CDK6: variants seen among roughly 807,000 people sequenced by gnomAD.
The protein encoded by CDK6 is cyclin dependent kinase 6.
Under a neutral mutation model 37.1 loss-of-function variants are expected in CDK6, and 6 were observed. That is an observed-to-expected ratio of 0.16 (90% confidence interval 0.09 to 0.32). The LOEUF (loss-of-function observed/expected upper bound fraction) is 0.32, where lower values mean the gene tolerates loss of function less well. CDK6 is among the 10% of genes least tolerant of loss of function. The pLI is 1.00. For synonymous variants in CDK6, 160 were observed against 161.3 expected (o/e 0.99, Z 0.06); for missense variants, 224 against 418.9 (o/e 0.53, Z 4.06).
chr7:92,784,316 G>C (rs1327519619), intron 2 of CDK6, among the ~76,000 whole-genome samples: 8 of 152,120 alleles, frequency 5.3e-5, no homozygotes, highest in Admixed American at 3.3e-4. Context: ...GGTGAGTCCA[G>C]TTCCAATACA....
chr7:92,658,229 TG>T (rs1480197144), intron 5 of CDK6, among the ~76,000 whole-genome samples: 1 of 152,232 alleles, frequency 6.6e-6, no homozygotes, highest in Admixed American at 6.5e-5. Context: ...GCATGTCATT[TG>T]ACCCTGTAAT....
intron 2 of CDK6, among the ~76,000 whole-genome samples, chr7:92,815,005 C>T (rs1800989484): frequency 1.3e-5 from 2 of 152,054 alleles, no homozygotes; most frequent in Non-Finnish European, 2.9e-5. Flanking sequence ...AGGCCACTGC[C>T]CTAGAACAAG....
chr7:92,826,563 G>A (rs1330534022), intron 2 of CDK6, among the ~76,000 whole-genome samples: 4 of 152,140 alleles, frequency 2.6e-5, no homozygotes, highest in Admixed American at 6.6e-5. Context: ...GGCAAATGGA[G>A]TAGTCCATCT....
chr7:92,625,537 AAAAAC>A (rs959483688), intron 5 of CDK6, among the ~76,000 whole-genome samples: 11 of 150,264 alleles, frequency 7.3e-5, no homozygotes, highest in Non-Finnish European at 1.2e-4. Flanking sequence ...TTTTGCAAAA[AAAAAC>A]AAAACAAAAC....
At chr7:92,662,682 C>T (rs1796866139) in intron 5 of CDK6, among the ~76,000 whole-genome samples, 1 of 152,126 alleles carries the variant, frequency 6.6e-6, no homozygotes, top group East Asian at 1.9e-4. Flanking sequence ...CCTCAAACTG[C>T]TCTGTCTCCA....
At chr7:92,688,581 T>TCACACACACACA (rs35953301) in intron 4 of CDK6, among the ~76,000 whole-genome samples, 197 of 127,572 alleles carry the variant, frequency 1.5e-3, no homozygotes, top group Middle Eastern at 4.1e-3. Context: ...TACATATACA[T>TCACACACACACA]CACACACACA....
chr7:92,654,103 CTATA>C (rs1480553392), intron 5 of CDK6, among the ~76,000 whole-genome samples: 1 of 151,888 alleles, frequency 6.6e-6, no homozygotes, highest in Non-Finnish European at 1.5e-5. Context: ...TTTAACTGTG[CTATA>C]TACTCAGTTT....
In CDK6 at chr7:92,835,481, T is replaced by G. The variant is rs559017185; in HGVS notation, c.-368+997A>C. 1.9e-4 allele frequency among the ~76,000 whole-genome samples: 29 copies of G among 152,222 alleles called. No individual in the cohort carries two copies. The South Asian group carries it at 5.4e-3, about 28-fold the overall frequency. On this transcript the variant is annotated intron_variant, in intron 1 of 7. Transcript: ENST00000424848. This position sits in a 1 kb window ranked among gnomAD's most constrained non-coding sequence, Gnocchi z 4.2. ...TTTCCCCCCCTCTCCTCCACTTTTT[T>G]TTGTTGTTGTTGTTGCTTTCCCACG...
At chr7:92,678,534 A>G (rs553096355) in intron 4 of CDK6, among the ~76,000 whole-genome samples, 1 of 152,362 alleles carries the variant, frequency 6.6e-6, no homozygotes, top group South Asian at 2.1e-4. Context: ...CAATAATAGT[A>G]TAAGAAAAAG....
intron 3 of CDK6, 130 bp downstream of exon 3, chr7:92,774,566 T>A (rs1584075851): frequency 1.3e-6 from 1 of 752,006 alleles, no homozygotes; most frequent in African/African-American, 1.8e-5. Context: ...AACATTTTCT[T>A]TGATTTTTTT....
At chr7:92,725,583 A>T (rs2116708964) in intron 4 of CDK6, 43 bp downstream of exon 4, 2 of 1,568,064 alleles carry the variant, frequency 1.3e-6, no homozygotes, top group Non-Finnish European at 1.7e-6. Flanking sequence ...CATTCAAAAT[A>T]GGAAAAATAA....
intron 3 of CDK6, among the ~76,000 whole-genome samples, chr7:92,728,741 T>C (rs1409030690): frequency 1.3e-5 from 2 of 152,248 alleles, no homozygotes; most frequent in Non-Finnish European, 2.9e-5. Context: ...GACCATTCTT[T>C]AGATTTTATT....
intron 3 of CDK6, among the ~76,000 whole-genome samples, chr7:92,756,778 G>GGAAA (rs1323678338): frequency 6.6e-6 from 1 of 152,038 alleles, no homozygotes; most frequent in East Asian, 1.9e-4. Flanking sequence ...ATAACAAATG[G>GGAAA]GATTAACAAA....
rs541985409 is a variant in CDK6 at position 92,813,345 on chromosome 7, A to G, written c.233+19746T>C. On this transcript the variant is annotated intron_variant, in intron 2 of 7. Transcript: ENST00000424848. ...CATACTGCTTGCTTTTAAAAAAAAA[A>G]TGCACCAAAGCTTTCTTCATTCAAG... Among the ~76,000 whole-genome samples, 84 of 152,238 alleles carry G rather than the reference A, an allele frequency of 5.5e-4. 3 individuals are homozygous for G. The South Asian group carries it at 0.014, about 25-fold the overall frequency.
intron 2 of CDK6, among the ~76,000 whole-genome samples, chr7:92,813,350 C>G (rs1389768517): frequency 6.6e-6 from 1 of 152,052 alleles, no homozygotes; most frequent in Non-Finnish European, 1.5e-5. Flanking sequence ...AAAAAATGCA[C>G]CAAAGCTTTC....
intron 5 of CDK6, among the ~76,000 whole-genome samples, chr7:92,647,006 G>T (rs181627146): frequency 6.6e-6 from 1 of 152,264 alleles, no homozygotes; most frequent in East Asian, 1.9e-4. Context: ...AGAGAAACAT[G>T]GGAAAACTGT....
At chr7:92,723,046 G>A (rs1361690890) in intron 4 of CDK6, among the ~76,000 whole-genome samples, 1 of 151,916 alleles carries the variant, frequency 6.6e-6, no homozygotes, top group Non-Finnish European at 1.5e-5. Context: ...TTAGCCTGGG[G>A]TGGCCTGTAA....
chr7:92,711,482 C>CT (rs1055318729), intron 4 of CDK6, among the ~76,000 whole-genome samples: 26 of 145,040 alleles, frequency 1.8e-4, no homozygotes, highest in African/African-American at 6.7e-4. Flanking sequence ...TTAATAGTGG[C>CT]TTTTTTTCTG....
intron 5 of CDK6, among the ~76,000 whole-genome samples, chr7:92,641,547 C>A (rs780591131): frequency 2.0e-5 from 3 of 152,138 alleles, no homozygotes; most frequent in Non-Finnish European, 2.9e-5. Context: ...GACTTATACT[C>A]TTTACTCGTA....
Sources: gnomAD v4.1 joint callset for allele counts (sites outside exome capture counted in the v4.1 genomes callset) on GRCh38, gnomAD v4.1.1 for gene constraint, Gnocchi (gnomAD v3.1) non-coding constraint, MANE v1.5 for transcripts, NCBI Gene and HGNC (gene_info 2026-07-23, HGNC 2026-07-21) for gene names.